Variants in NUBP2 observed in about 807,000 individuals in gnomAD.
NUBP2 encodes NUBP iron-sulfur cluster assembly factor 2, cytosolic.
In NUBP2, 23 loss-of-function variants were observed where a neutral mutation model predicts 24.9. That is an observed-to-expected ratio of 0.92 (90% CI 0.66 to 1.31). NUBP2 has a LOEUF of 1.31. NUBP2 is among the 50% of genes most tolerant of loss of function. The pLI is 0.00. For synonymous variants in NUBP2, 186 were observed against 170.9 expected (o/e 1.09, Z -0.69); for missense variants, 403 against 386.5 (o/e 1.04, Z -0.36).
At chr16:1,788,464 C>G (rs747749821) in intron 6 of NUBP2, 105 bp from the exon 7 acceptor site, 69 of 1,415,046 alleles carry the variant, frequency 4.9e-5, no homozygotes, top group Admixed American at 3.0e-4. Flanking sequence ...CTGGCAGCGC[C>G]TCAATCCCCT....
At chr16:1,786,325 T>C in intron 1 of NUBP2, 1 of 578,408 alleles carries the variant, frequency 1.7e-6, no homozygotes, top group Admixed American at 3.1e-5. Flanking sequence ...GGGAGTGCCG[T>C]GGTCTTAGAG....
chr16:1,788,809 C>A lies in NUBP2; in HGVS notation c.*95C>A. ...GCCTGGGCTCGGTTCCCGGGCCCTG[C>A]AGGGGCAGGCCCAGGCAGCGTCAGC... is the stretch of plus-strand genomic sequence containing the variant. On this transcript the variant is annotated 3_prime_UTR_variant, in exon 7 of 7. Coordinates refer to ENST00000262302, the MANE Select transcript of NUBP2 (RefSeq NM_012225.4). 1 of 1,424,246 alleles carries A rather than the reference C, an allele frequency of 7.0e-7. No individual in the cohort carries two copies. Among genetic ancestry groups the A allele is most frequent in the Non-Finnish European group, 9.3e-7 (1 of 1,074,780 alleles). 88.2% of individuals were successfully genotyped at this position (1,424,246 alleles called of 1,614,324 possible). A position where few individuals can be genotyped will look rare whatever the true frequency, so the allele number is the denominator to read the frequency against.
In NUBP2 at chr16:1,788,141, T is replaced by C; in HGVS notation, c.604T>C (p.Cys202Arg). Residue 202 changes from cysteine to arginine, a missense_variant, in exon 6 of 7, where the codon TGC (cysteine) becomes CGC (arginine). Physicochemically the swap from Cys to Arg is radical, Grantham distance 180. Coordinates refer to ENST00000262302, the MANE Select transcript of NUBP2 (RefSeq NM_012225.4). The part of the protein sequence containing the change: ...SGFTCPHCTE[C>R]TSVFSRGGGE... ...TGGGCTCACCACCGTCTCCTAGGAG[T>C]GCACCAGCGTCTTCTCCAGGGGCGG... 2 of 1,548,906 alleles carry C rather than the reference T, an allele frequency of 1.3e-6. No individual in the cohort carries two copies. Among genetic ancestry groups the C allele is most frequent in the Non-Finnish European group, 1.7e-6 (2 of 1,152,150 alleles).
rs140058906 is a variant in NUBP2 at position 1,788,050 on chromosome 16, C to T, written c.599C>T (p.Thr200Met). 5.7e-5 allele frequency: 90 copies of T among 1,587,846 alleles called. 1 individual carries two copies. In the African/African-American group the frequency reaches 8.6e-4, roughly 15 times the overall value. The change falls in exon 5 of 7, where the codon ACG becomes ATG. Residue 200 changes from threonine to methionine, a missense_variant and splice_region_variant. By Grantham distance (81) the Thr-to-Met change is moderately conservative. Transcript: ENST00000262302. ...NMSGFTCPHC[T>M]ECTSVFSRGG... ...AGCGGCTTCACCTGCCCACACTGCA[C>T]GGTGAGTCCCGGGGGTTGCAGAGGG...
intron 1 of NUBP2, chr16:1,783,458 A>T: frequency 1.0e-6 from 1 of 998,676 alleles, no homozygotes; most frequent in Non-Finnish European, 1.2e-6. Context: ...AGAATCTCAC[A>T]TGCTTTTAAG....
chr16:1,788,779 CAG>C lies in NUBP2; in HGVS notation c.*68_*69del, dbSNP rs1303665780. 6.5e-7 allele frequency: 1 copy of C among 1,534,544 alleles called. No homozygotes were observed. Among genetic ancestry groups the C allele is most frequent in the African/African-American group, 1.4e-5 (1 of 72,332 alleles). On this transcript the variant is annotated 3_prime_UTR_variant, in exon 7 of 7. Coordinates refer to ENST00000262302, the MANE Select transcript of NUBP2 (RefSeq NM_012225.4). ...GCTCTGCTCCAGCCTCTCAGAGAAACAGAGGCCTGGGCTCGGTTCCCGGGCCC... is the reference window on the plus strand; with the variant it reads ...GCTCTGCTCCAGCCTCTCAGAGAAACAGGCCTGGGCTCGGTTCCCGGGCCC...
At chr16:1,788,461 C>T (rs1037227950) in intron 6 of NUBP2, 108 bp from the exon 7 acceptor site, 39 of 1,392,794 alleles carry the variant, frequency 2.8e-5, no homozygotes, top group Non-Finnish European at 2.7e-5. Context: ...CGTCTGGCAG[C>T]GCCTCAATCC....
intron 5 of NUBP2, 37 bp downstream of exon 5, chr16:1,788,088 C>T: frequency 2.6e-6 from 4 of 1,560,224 alleles, no homozygotes; most frequent in Non-Finnish European, 3.5e-6. Context: ...CGAGGCAGCA[C>T]CTGGCCGGTG....
At position 1,787,975 on chromosome 16, in the gene NUBP2, CCTT is replaced by C; in HGVS notation, c.527_529del (p.Phe176del). The C allele has an allele frequency of 2.5e-6, 4 of 1,605,328 alleles. No individual in the cohort carries two copies. Among genetic ancestry groups the C allele is most frequent in the Non-Finnish European group, 2.5e-6 (3 of 1,177,432 alleles). On this transcript the variant is annotated inframe_deletion, in exon 5 of 7. Transcript: ENST00000262302. ...GTGGGGGACGTGAGGCGCGAGCTGA[CCTT>C]CTGTAGGAAGACGGGCTTGCGGGTG...
Position 1,788,561 on chromosome 16 carries a change from C to G in NUBP2, c.671-8C>G. 1 of 1,598,896 alleles carries G rather than the reference C, an allele frequency of 6.3e-7. No individual in the cohort carries two copies. Among genetic ancestry groups the G allele is most frequent in the South Asian group, 1.1e-5 (1 of 89,858 alleles). ...ACATGGCGCCACCGCCTCCACTGTG[C>G]CCTGCAGGCTCCGTGCCCCTGGACC... On this transcript the variant is annotated splice_polypyrimidine_tract_variant and splice_region_variant and intron_variant, in intron 6 of 6. Coordinates refer to ENST00000262302, the MANE Select transcript of NUBP2 (RefSeq NM_012225.4).
chr16:1,788,939 C>A lies in NUBP2; in HGVS notation c.*225C>A. The A allele has an allele frequency of 1.8e-6, 1 of 547,052 alleles. No individual in the cohort carries two copies. Among genetic ancestry groups the A allele is most frequent in the Non-Finnish European group, 3.1e-6 (1 of 320,490 alleles). 33.9% of individuals were successfully genotyped at this position (547,052 alleles called of 1,614,324 possible). ...GTCTGCGTGCTCTGCAGCTGTGAGA[C>A]GGGGGCGGCCTGGGCTCTCTTCCCA... On this transcript the variant is annotated 3_prime_UTR_variant, in exon 7 of 7. Transcript: ENST00000262302.
chr16:1,785,902 G>A (rs2142001284), intron 1 of NUBP2: 1 of 1,286,168 alleles, frequency 7.8e-7, no homozygotes, highest in African/African-American at 1.5e-5. Context: ...GTGGCGCCGG[G>A]GTGAGAATGC....
At chr16:1,786,726 C>G in intron 2 of NUBP2, 31 bp from the exon 3 acceptor site, 3 of 1,609,590 alleles carry the variant, frequency 1.9e-6, no homozygotes, top group Non-Finnish European at 2.5e-6. Flanking sequence ...CCTGGCGGTG[C>G]CCCCGGCCTA....
At chr16:1,787,620 G>A (rs1897038664) in intron 3 of NUBP2, 57 bp from the exon 4 acceptor site, 6 of 1,587,556 alleles carry the variant, frequency 3.8e-6, no homozygotes, top group Middle Eastern at 1.9e-4. Context: ...TAGTGGCGCA[G>A]GGCCACGTGT....
intron 1 of NUBP2, chr16:1,786,042 A>T: frequency 8.7e-7 from 1 of 1,152,376 alleles, no homozygotes; most frequent in South Asian, 1.6e-5. Flanking sequence ...CGCACATTGC[A>T]GGGACCGAGA....
At chr16:1,785,091 C>T (rs1357846791) in intron 1 of NUBP2, 1 of 985,836 alleles carries the variant, frequency 1.0e-6, no homozygotes, top group South Asian at 4.7e-5. Context: ...TATATTTGTC[C>T]ACCACGTGGA....
intron 3 of NUBP2, chr16:1,787,279 G>T: frequency 2.4e-6 from 1 of 413,212 alleles, no homozygotes. Flanking sequence ...GGTGGCATTA[G>T]ACGCCCCCAA....
chr16:1,786,213 T>C (rs1896957888), intron 1 of NUBP2: 1 of 385,542 alleles, frequency 2.6e-6, no homozygotes, highest in Non-Finnish European at 4.8e-6. Flanking sequence ...GTGACCCACG[T>C]GTGTGTTTGC....
chr16:1,786,571 C>A lies in NUBP2; in HGVS notation c.51C>A (p.Ile17=), dbSNP rs761017721. Residue 17 remains isoleucine, a synonymous_variant, in exon 2 of 7, where the codon ATC becomes ATA. Transcript: ENST00000262302. ...PGNLAGVRHI[I]LVLSGKGGVG... is the part of the protein sequence containing the mutation. ...ACCTGGCCGGCGTCAGGCACATCAT[C>A]CTGGTCCTCTCAGGAAAGGGGGGCG... is the stretch of plus-strand genomic sequence containing the variant. 1.2e-6 allele frequency: 2 copies of A among 1,610,856 alleles called. No homozygotes were observed. The highest frequency in any genetic ancestry group is 1.7e-6 in the Non-Finnish European group (2 of 1,178,452).
Sources: allele counts gnomAD v4.1 joint callset, GRCh38; gene constraint gnomAD v4.1.1; transcripts MANE v1.5; gene names NCBI Gene and HGNC (gene_info 2026-07-23, HGNC 2026-07-21).